The following ARHGAP26 variants were observed in gnomAD, a reference collection of about 807,000 sequenced individuals.
ARHGAP26 encodes Rho GTPase activating protein 26.
In ARHGAP26, 38 loss-of-function variants were observed where a neutral mutation model predicts 104.8. The ratio of observed to expected loss-of-function variants is 0.36; its 90% confidence interval spans 0.28 to 0.48. The LOEUF is 0.48. Among genes scored for constraint, ARHGAP26 ranks in the 20% least tolerant of loss-of-function variants. ARHGAP26 has a pLI of 0.99. For missense variants in ARHGAP26, 704 were observed against 947.9 expected, an observed-to-expected ratio of 0.74 and a Z score of 3.38; for synonymous variants, 341 against 340.0, an observed-to-expected ratio of 1.00 and a Z score of -0.03.
At chr5:142,779,687 T>C (rs925513767) in intron 1 of ARHGAP26, among the ~76,000 whole-genome samples, 3 of 152,222 alleles carry the variant, frequency 2.0e-5, no homozygotes, top group African/African-American at 7.2e-5. Flanking sequence ...ATTTGAACAC[T>C]TTGAAAATAT....
At chr5:142,847,186 T>G (rs1465226999) in intron 1 of ARHGAP26, among the ~76,000 whole-genome samples, 1 of 152,126 alleles carries the variant, frequency 6.6e-6, no homozygotes, top group Non-Finnish European at 1.5e-5. Flanking sequence ...AAACAATGTT[T>G]GTAAATTTCA....
chr5:142,955,144 C>G (rs1365842821), intron 11 of ARHGAP26, among the ~76,000 whole-genome samples: 5 of 143,668 alleles, frequency 3.5e-5, no homozygotes, highest in African/African-American at 1.3e-4. Flanking sequence ...TCTGCACACA[C>G]ACACATACAA....
chr5:143,142,767 C>G (rs1456337900), intron 19 of ARHGAP26, among the ~76,000 whole-genome samples: 3 of 152,148 alleles, frequency 2.0e-5, no homozygotes, highest in Non-Finnish European at 4.4e-5. Flanking sequence ...GTGCACTCAT[C>G]ACTTTTTATT....
chr5:142,994,862 A>G (rs1171405821), intron 11 of ARHGAP26, among the ~76,000 whole-genome samples: 1 of 152,244 alleles, frequency 6.6e-6, no homozygotes, highest in African/African-American at 2.4e-5. Context: ...GCACAGAGAA[A>G]TGTCACAATG....
intron 10 of ARHGAP26, 84 bp downstream of exon 10, chr5:142,913,377 G>A: frequency 7.8e-7 from 1 of 1,288,528 alleles, no homozygotes; most frequent in Non-Finnish European, 1.1e-6. Flanking sequence ...AACCTTTTCT[G>A]CTTTTTTCCC....
At chr5:143,100,707 T>C (rs1793091951) in intron 17 of ARHGAP26, among the ~76,000 whole-genome samples, 1 of 152,230 alleles carries the variant, frequency 6.6e-6, no homozygotes, top group Non-Finnish European at 1.5e-5. Context: ...AAATGAAGTC[T>C]GTTTACCTTA....
chr5:143,086,887 C>T (rs1790659671), intron 17 of ARHGAP26, among the ~76,000 whole-genome samples: 1 of 152,212 alleles, frequency 6.6e-6, no homozygotes, highest in African/African-American at 2.4e-5. Context: ...TCTGCAGCCA[C>T]ATTAAAGTTT....
intron 1 of ARHGAP26, among the ~76,000 whole-genome samples, chr5:142,792,552 T>C (rs1349982513): frequency 6.6e-6 from 1 of 152,148 alleles, no homozygotes; most frequent in Non-Finnish European, 1.5e-5. Context: ...TTTTCCTCCT[T>C]CTCCTCCAGG....
intron 1 of ARHGAP26, among the ~76,000 whole-genome samples, chr5:142,790,618 A>G (rs1030400799): frequency 6.6e-6 from 1 of 152,180 alleles, no homozygotes; most frequent in Non-Finnish European, 1.5e-5. Flanking sequence ...TTGTATGATC[A>G]GGCGTCTGCC....
chr5:142,885,141 T>A (rs942480320), intron 4 of ARHGAP26, among the ~76,000 whole-genome samples, 157 bp from the exon 5 acceptor site: 8 of 152,200 alleles, frequency 5.3e-5, no homozygotes, highest in African/African-American at 1.9e-4. Flanking sequence ...CTCAGGGGGC[T>A]GTTGATGGGT....
chr5:142,922,775 C>T (rs1763373129), intron 10 of ARHGAP26, among the ~76,000 whole-genome samples: 1 of 152,184 alleles, frequency 6.6e-6, no homozygotes, highest in Non-Finnish European at 1.5e-5. Flanking sequence ...GTGCCTTTAT[C>T]TTTTGCAACA....
intron 22 of ARHGAP26, among the ~76,000 whole-genome samples, 169 bp downstream of exon 22, chr5:143,214,257 A>G (rs563352954): frequency 1.3e-5 from 2 of 152,292 alleles, no homozygotes; most frequent in African/African-American, 2.4e-5. Flanking sequence ...TTTTCCCAAA[A>G]TAAAATAGCA....
At chr5:142,908,212 C>T (rs929345713) in intron 9 of ARHGAP26, among the ~76,000 whole-genome samples, 3 of 152,202 alleles carry the variant, frequency 2.0e-5, no homozygotes, top group Non-Finnish European at 4.4e-5. Context: ...TAACAAGTCA[C>T]CCCAAAACTT....
intron 17 of ARHGAP26, among the ~76,000 whole-genome samples, chr5:143,066,969 G>T (rs568235568): frequency 1.4e-4 from 22 of 151,900 alleles, no homozygotes; most frequent in African/African-American, 5.1e-4. Flanking sequence ...TGGTGCACCT[G>T]TTTGAAGGAA....
At chr5:143,008,983 C>T (rs1778374293) in intron 11 of ARHGAP26, among the ~76,000 whole-genome samples, 1 of 152,106 alleles carries the variant, frequency 6.6e-6, no homozygotes, top group Admixed American at 6.6e-5. Flanking sequence ...CCTCGCCCTC[C>T]TTTGATTTAT....
chr5:143,145,833 T>C lies in ARHGAP26; in HGVS notation c.1838-1398T>C, dbSNP rs775018696. ...AGGGCATTAAGGATTTGCTAAGATA[T>C]CAGGGGTATTGGGGTGAATGTGTAT... On this transcript the variant is annotated intron_variant, in intron 19 of 22. Transcript: ENST00000645722. Among the ~76,000 whole-genome samples the C allele has an allele frequency of 2.1e-4, 32 of 152,204 alleles. 1 individual carries two copies. The highest frequency in any genetic ancestry group is 1.4e-3 in the Admixed American group (22 of 15,270).
At chr5:142,993,358 A>C (rs1775929274) in intron 11 of ARHGAP26, among the ~76,000 whole-genome samples, 1 of 151,660 alleles carries the variant, frequency 6.6e-6, no homozygotes, top group African/African-American at 2.4e-5. Context: ...TTTAGTAGAG[A>C]TGGGGTTTCA....
intron 19 of ARHGAP26, among the ~76,000 whole-genome samples, chr5:143,145,790 T>A (rs1165980220): frequency 6.6e-6 from 1 of 152,224 alleles, no homozygotes; most frequent in East Asian, 1.9e-4. Context: ...TTTTTCTCTC[T>A]CCTGTGGGGC....
intron 11 of ARHGAP26, among the ~76,000 whole-genome samples, chr5:142,995,435 A>G (rs1776240326): frequency 6.6e-6 from 1 of 152,282 alleles, no homozygotes; most frequent in South Asian, 2.1e-4. Context: ...TGGTCATTAG[A>G]GAAATGCAAA....
Sources: allele counts gnomAD v4.1 joint callset (sites outside exome capture counted in the v4.1 genomes callset), GRCh38; gene constraint gnomAD v4.1.1; transcripts MANE v1.5; gene names NCBI Gene and HGNC (gene_info 2026-07-23, HGNC 2026-07-21).